Variants in BACH1 observed in about 807,000 individuals in gnomAD.
The protein encoded by BACH1 is transcription regulator protein BACH1.
Under a neutral mutation model 52.9 loss-of-function variants are expected in BACH1, and 35 were observed. The observed-to-expected ratio is 0.66, with a 90% CI of 0.51 to 0.88. The LOEUF is 0.88. Among genes scored for constraint, BACH1 ranks in the 40% least tolerant of loss-of-function variants. BACH1 has a pLI of 0.00. For synonymous variants in BACH1, 321 were observed against 319.6 expected, an observed-to-expected ratio of 1.00 and a Z score of -0.05; for missense variants, 808 against 872.6, an observed-to-expected ratio of 0.93 and a Z score of 0.93.
downstream of BACH1, among the ~76,000 whole-genome samples, chr21:29,350,907 C>G (rs2089198457): frequency 6.6e-6 from 1 of 152,196 alleles, no homozygotes; most frequent in Non-Finnish European, 1.5e-5. Flanking sequence ...AAGCCACGAA[C>G]TTGCCCTCTC....
rs201222202 is a variant in BACH1, at chr21:29,327,161, C to T, written c.1337C>T (p.Pro446Leu). 1 of 1,614,214 alleles carries T rather than the reference C, an allele frequency of 6.2e-7. No individual in the cohort carries two copies. Among genetic ancestry groups the T allele is most frequent in the African/African-American group, 1.3e-5 (1 of 75,034 alleles). The change falls in exon 3 of 5, where the codon CCA becomes CTA. Residue 446 changes from proline to leucine, a missense_variant. Transcript: ENST00000286800. ...TTAGGTATCAGGATTAGTGAGAGCC[C>T]AGAACCAGGTCAAAGGACTTTCACA... ...PWLGIRISES[P>L]EPGQRTFTTL...
chr21:29,341,779 A>G (rs537421468), intron 4 of BACH1, among the ~76,000 whole-genome samples: 1 of 152,228 alleles, frequency 6.6e-6, no homozygotes, highest in African/African-American at 2.4e-5. Context: ...TGTGGATTAC[A>G]TAGCTGAGAT....
downstream of BACH1, among the ~76,000 whole-genome samples, chr21:29,350,691 GATTTATCA>G: frequency 6.6e-6 from 1 of 152,352 alleles, no homozygotes; most frequent in African/African-American, 2.4e-5. Context: ...GTTATTTTCA[GATTTATCA>G]ATCAGCCAGC....
chr21:29,351,158 G>C (rs190749084), intron 2 of BACH1, among the ~76,000 whole-genome samples: 1 of 152,078 alleles, frequency 6.6e-6, no homozygotes, highest in African/African-American at 2.4e-5. Flanking sequence ...TCACTGTCCC[G>C]AAAGTCAGCT....
At chr21:29,335,285 C>A (rs1479312798) in intron 4 of BACH1, among the ~76,000 whole-genome samples, 1 of 152,126 alleles carries the variant, frequency 6.6e-6, no homozygotes, top group Non-Finnish European at 1.5e-5. Context: ...GGGGTTGATG[C>A]AAGGATCTGA....
At chr21:29,348,444 G>GTAGAA (rs1396648781), downstream of BACH1, among the ~76,000 whole-genome samples, 2 of 151,636 alleles carry the variant, frequency 1.3e-5, no homozygotes, top group Non-Finnish European at 2.9e-5. Context: ...AGAGACCATA[G>GTAGAA]TAGAACCTCA....
At chr21:29,301,438 G>T (rs1179321766) in intron 1 of BACH1, among the ~76,000 whole-genome samples, 2 of 152,026 alleles carry the variant, frequency 1.3e-5, no homozygotes, top group Non-Finnish European at 2.9e-5. Flanking sequence ...TTAACTTACG[G>T]TTTCCTCCTA....
At chr21:29,319,235 G>C (rs967383617) in intron 1 of BACH1, among the ~76,000 whole-genome samples, 1 of 152,156 alleles carries the variant, frequency 6.6e-6, no homozygotes, top group East Asian at 1.9e-4. Flanking sequence ...AGACTTAAAC[G>C]TGTTCATTAA....
rs892851243 is a variant in BACH1, at chr21:29,345,342, A to G, written c.*2509A>G. 3 of 152,454 alleles carry G rather than the reference A, an allele frequency of 2.0e-5. No individual in the cohort carries two copies. Among genetic ancestry groups the G allele is most frequent in the Non-Finnish European group, 4.4e-5 (3 of 68,008 alleles). 9.4% of individuals were successfully genotyped at this position (152,454 alleles called of 1,614,324 possible). A position where few individuals can be genotyped will look rare whatever the true frequency, so the allele number is the denominator to read the frequency against. Reference sequence around the variant, plus strand: ...ACAAATGACAGGATTATGAGTATACAGTGTATGCCTTTTCCTTCATGCAGA... The same window carrying G: ...ACAAATGACAGGATTATGAGTATACGGTGTATGCCTTTTCCTTCATGCAGA... On this transcript the variant is annotated 3_prime_UTR_variant, in exon 5 of 5. Transcript: ENST00000286800.
intron 4 of BACH1, among the ~76,000 whole-genome samples, chr21:29,338,969 T>C (rs2089078234): frequency 6.6e-6 from 1 of 152,216 alleles, no homozygotes; most frequent in Non-Finnish European, 1.5e-5. Flanking sequence ...TAGGAAATAT[T>C]TTTTCTTAGT....
intron 2 of BACH1, 134 bp downstream of exon 2, chr21:29,321,648 T>C: frequency 6.2e-6 from 4 of 642,488 alleles, no homozygotes; most frequent in East Asian, 3.3e-5. Flanking sequence ...GCAACCCCTT[T>C]TTTTTTTTTT....
intron 4 of BACH1, among the ~76,000 whole-genome samples, chr21:29,338,267 T>C (rs2089068846): frequency 6.6e-6 from 1 of 152,090 alleles, no homozygotes; most frequent in African/African-American, 2.4e-5. Context: ...ATTTATTTGC[T>C]TTTTTATGCT....
chr21:29,300,535 C>T (rs2088591861), intron 1 of BACH1, among the ~76,000 whole-genome samples: 1 of 152,118 alleles, frequency 6.6e-6, no homozygotes, highest in Non-Finnish European at 1.5e-5. Context: ...GGTTTAAAGA[C>T]GGAGCCTCGT....
At chr21:29,332,641 C>T (rs1016043850) in intron 4 of BACH1, among the ~76,000 whole-genome samples, 17 of 152,310 alleles carry the variant, frequency 1.1e-4, no homozygotes, top group South Asian at 2.1e-4. Context: ...GCACCCGCTT[C>T]GCTCTCTATC....
At chr21:29,313,455 A>G (rs1228985686) in intron 1 of BACH1, among the ~76,000 whole-genome samples, 3 of 152,246 alleles carry the variant, frequency 2.0e-5, no homozygotes, top group Non-Finnish European at 4.4e-5. Context: ...TACCCAAGAA[A>G]AGTGATACAC....
chr21:29,352,328 G>C (rs1355788067), intron 2 of BACH1, among the ~76,000 whole-genome samples: 2 of 152,004 alleles, frequency 1.3e-5, no homozygotes, highest in African/African-American at 4.8e-5. Context: ...TGCTGGGATT[G>C]CAGGCGTGAG....
At chr21:29,313,507 A>T (rs796634195) in intron 1 of BACH1, among the ~76,000 whole-genome samples, 6 of 152,372 alleles carry the variant, frequency 3.9e-5, no homozygotes, top group African/African-American at 1.4e-4. Context: ...GCTTTATTAC[A>T]ATAATCCCAA....
chr21:29,317,371 TG>T (rs1262828307), intron 1 of BACH1, among the ~76,000 whole-genome samples: 1 of 152,200 alleles, frequency 6.6e-6, no homozygotes, highest in Non-Finnish European at 1.5e-5. Context: ...GCTTGGGTTA[TG>T]GCAGGGAACA....
downstream of BACH1, among the ~76,000 whole-genome samples, chr21:29,348,170 G>A (rs2089181147): frequency 6.6e-6 from 1 of 152,158 alleles, no homozygotes; most frequent in Non-Finnish European, 1.5e-5. Context: ...AGGAGTTTTT[G>A]ATGCCTAGGT....
Sources: allele counts gnomAD v4.1 joint callset (sites outside exome capture counted in the v4.1 genomes callset), GRCh38; gene constraint gnomAD v4.1.1; transcripts MANE v1.5; gene names NCBI Gene and HGNC (gene_info 2026-07-23, HGNC 2026-07-21).